Variants in LAMA1 observed in about 807,000 individuals in gnomAD.
LAMA1 encodes laminin subunit alpha-1.
LAMA1 carries 219 observed loss-of-function variants against 348.7 expected under a neutral mutation model. That is an observed-to-expected ratio of 0.63 (90% CI 0.56 to 0.70). The LOEUF (loss-of-function observed/expected upper bound fraction) is 0.70, where lower values mean the gene tolerates loss of function less well. Ranked by LOEUF, LAMA1 falls within the 30% of genes least tolerant of loss-of-function variation. The pLI is 0.00. For missense variants in LAMA1, 3,744 were observed against 3,888.0 expected, an observed-to-expected ratio of 0.96 and a Z score of 0.99; for synonymous variants, 1,487 against 1,491.0, an observed-to-expected ratio of 1.00 and a Z score of 0.06.
chr18:7,116,596 C>T (rs1421616084), intron 1 of LAMA1, among the ~76,000 whole-genome samples: 1 of 152,080 alleles, frequency 6.6e-6, no homozygotes, highest in Non-Finnish European at 1.5e-5. Context: ...ACTTTTGACT[C>T]GAATTTTTTT....
chr18:7,093,373 G>A (rs775461002), intron 1 of LAMA1, among the ~76,000 whole-genome samples: 64 of 152,130 alleles, frequency 4.2e-4, no homozygotes, highest in Non-Finnish European at 6.3e-4. Flanking sequence ...CCAAGATCGC[G>A]CCACTGCACT....
intron 48 of LAMA1, among the ~76,000 whole-genome samples, chr18:6,968,957 A>C (rs752903337): frequency 2.0e-5 from 3 of 152,218 alleles, no homozygotes; most frequent in Non-Finnish European, 4.4e-5. Context: ...ATGGATTGTT[A>C]CTAGAATTAG....
chr18:6,997,129 T>C (rs2057785088), intron 33 of LAMA1, among the ~76,000 whole-genome samples: 2 of 151,854 alleles, frequency 1.3e-5, no homozygotes, highest in Middle Eastern at 3.2e-3. Context: ...AGTGGTGTGA[T>C]CTCGGCTCAC....
chr18:7,035,780 C>T (rs1396768685), intron 13 of LAMA1, among the ~76,000 whole-genome samples: 2 of 151,444 alleles, frequency 1.3e-5, no homozygotes, highest in Non-Finnish European at 2.9e-5. Flanking sequence ...GTGGCGGGTG[C>T]TGTCCTGAGG....
chr18:7,045,877 C>CA (rs200030874), intron 6 of LAMA1, among the ~76,000 whole-genome samples: 2,983 of 149,514 alleles, frequency 0.02, 83 homozygotes, highest in African/African-American at 0.069. Context: ...GATTTAGCAC[C>CA]AAAAAAAACG....
chr18:7,009,136 G>T, intron 27 of LAMA1, 103 bp downstream of exon 27: 1 of 1,280,604 alleles, frequency 7.8e-7, no homozygotes. Context: ...TGAACTACAT[G>T]GATTAATAAA....
chr18:7,093,943 T>C (rs1324644895), intron 1 of LAMA1, among the ~76,000 whole-genome samples: 2 of 151,820 alleles, frequency 1.3e-5, no homozygotes, highest in East Asian at 3.9e-4. Context: ...GCCCGGCTAA[T>C]TTTTTGTATT....
chr18:7,019,024 G>A lies in LAMA1; in HGVS notation c.2702-1640C>T, dbSNP rs148075542. ...CATCAACCCCGTAGCTGGACCGTGCGGACTCTGCTGCTAACTCCCCAGCAC... is the reference window on the plus strand; with the variant it reads ...CATCAACCCCGTAGCTGGACCGTGCAGACTCTGCTGCTAACTCCCCAGCAC... On this transcript the variant is annotated intron_variant, in intron 19 of 62. Coordinates refer to ENST00000389658, the MANE Select transcript of LAMA1 (RefSeq NM_005559.4). Among the ~76,000 whole-genome samples, 25 of 152,096 alleles carry A rather than the reference G, an allele frequency of 1.6e-4. No individual in the cohort carries two copies. The East Asian group carries it at 3.7e-3, about 22-fold the overall frequency.
intron 45 of LAMA1, among the ~76,000 whole-genome samples, chr18:6,975,498 C>A (rs982087355): frequency 1.3e-5 from 2 of 152,214 alleles, no homozygotes; most frequent in Non-Finnish European, 2.9e-5. Context: ...TATATGTGCC[C>A]GTTAACATTT....
At position 7,010,289 on chromosome 18, in the gene LAMA1, C is replaced by A. The variant is rs377104998; in HGVS notation, c.3784G>T (p.Gly1262Cys). 1.2e-6 allele frequency: 2 copies of A among 1,614,162 alleles called. No individual in the cohort carries two copies. The highest frequency in any genetic ancestry group is 1.7e-6 in the Non-Finnish European group (2 of 1,180,042). ...SNFEPQVLIKGGRIRKQVIYM... is the reference protein window; with the variant it reads ...SNFEPQVLIKCGRIRKQVIYM... ...ATGACTTGCTTTCTGATCCGACCAC[C>A]TTTGATGAGAACTTGAGGCTCAAAA... Residue 1262 changes from glycine to cysteine, a missense_variant, in exon 26 of 63, where the codon GGT (glycine) becomes TGT (cysteine). Coordinates refer to ENST00000389658, the MANE Select transcript of LAMA1 (RefSeq NM_005559.4).
chr18:7,032,896 C>G, intron 15 of LAMA1, 88 bp downstream of exon 15: 1 of 999,486 alleles, frequency 1.0e-6, no homozygotes, highest in Non-Finnish European at 1.5e-6. Flanking sequence ...AGCTAAAAAT[C>G]AAATGTTTGC....
chr18:6,974,894 C>T lies in LAMA1; in HGVS notation c.6623+9G>A, dbSNP rs1568014014. On this transcript the variant is annotated intron_variant, in intron 46 of 62. Transcript: ENST00000389658. ...AAGAGAGCTGCTTTGAGAGAACATT[C>T]TCTTCTACCTGGCTACATGGATACT... is the stretch of plus-strand genomic sequence containing the variant. The T allele has an allele frequency of 6.2e-7, 1 of 1,614,070 alleles. No individual in the cohort carries two copies. Among genetic ancestry groups the T allele is most frequent in the Non-Finnish European group, 8.5e-7 (1 of 1,179,998 alleles).
rs775719349 is a variant in LAMA1, at chr18:6,980,545, A to G, written c.5983T>C (p.Leu1995=). 1.9e-5 allele frequency: 31 copies of G among 1,609,692 alleles called. No homozygotes were observed. In the East Asian group the frequency reaches 5.8e-4, roughly 30 times the overall value. The change falls in exon 42 of 63, where the codon TTG becomes CTG. Residue 1995 remains leucine, a synonymous_variant. Transcript: ENST00000389658. ...CCTTTAGGAATTGCTCTAAGTATCA[A>G]GAGTGATTCATTGGTTTGCCTGGTA... The part of the protein sequence containing the change: ...EITRQTNESL[L]ILRAIPKGIR...
In LAMA1 at chr18:7,038,923, G is replaced by C. The variant is rs774904224; in HGVS notation, c.1450C>G (p.Arg484Gly). ...AAGTTATAGAATCCTGGCTTGCAGC[G>C]ATCACAGGCCTTCCCCTCAACGTTT... ...KENVEGKACD[R>G]CKPGFYNLKE... Residue 484 changes from arginine to glycine, a missense_variant, in exon 11 of 63, where the codon CGC (arginine) becomes GGC (glycine). By Grantham distance (125) the Arg-to-Gly change is moderately radical. Around this residue, in one of 3 missense-constraint regions of LAMA1, gnomAD observed 1,529 missense variants for 1,689.4 expected, o/e 0.91. Coordinates refer to ENST00000389658, the MANE Select transcript of LAMA1 (RefSeq NM_005559.4). 6.2e-7 allele frequency: 1 copy of C among 1,613,684 alleles called. No individual in the cohort carries two copies. Among genetic ancestry groups the C allele is most frequent in the East Asian group, 2.2e-5 (1 of 44,860 alleles).
chr18:7,087,826 G>C (rs2058223700), intron 1 of LAMA1, among the ~76,000 whole-genome samples: 1 of 152,126 alleles, frequency 6.6e-6, no homozygotes, highest in Non-Finnish European at 1.5e-5. Flanking sequence ...CTCTCTATAT[G>C]AATGATGAGA....
intron 1 of LAMA1, among the ~76,000 whole-genome samples, chr18:7,087,746 C>A (rs2058223359): frequency 1.3e-5 from 2 of 152,168 alleles, no homozygotes; most frequent in African/African-American, 4.8e-5. Context: ...AGTCAGGCAG[C>A]CCCCAGTGTG....
intron 3 of LAMA1, among the ~76,000 whole-genome samples, chr18:7,076,659 G>A (rs1477370017): frequency 2.8e-5 from 4 of 144,072 alleles, no homozygotes; most frequent in African/African-American, 1.1e-4. Context: ...ACTGGATCCT[G>A]GTTAAAAAAA....
At chr18:6,998,713 A>C (rs904389099) in intron 32 of LAMA1, among the ~76,000 whole-genome samples, 1 of 152,198 alleles carries the variant, frequency 6.6e-6, no homozygotes, top group African/African-American at 2.4e-5. Flanking sequence ...GGTAGAATAA[A>C]TCAGAACTGG....
chr18:7,069,774 G>C (rs980316944), intron 3 of LAMA1, among the ~76,000 whole-genome samples: 2 of 151,866 alleles, frequency 1.3e-5, no homozygotes, highest in African/African-American at 4.8e-5. Flanking sequence ...AGCTGGTCTG[G>C]CACCCTCTTC....
Sources: gnomAD v4.1 joint callset for allele counts (sites outside exome capture counted in the v4.1 genomes callset) on GRCh38, gnomAD v4.1.1 for gene constraint, gnomAD v4.1.1 regional missense constraint, MANE v1.5 for transcripts, NCBI Gene and HGNC (gene_info 2026-07-23, HGNC 2026-07-21) for gene names.